The following CSMD1 variants were observed in gnomAD, a reference collection of about 807,000 sequenced individuals.
CSMD1 encodes the protein CUB and sushi domain-containing protein 1.
In CSMD1, 213 loss-of-function variants were observed where a neutral mutation model predicts 417.5. That is an observed-to-expected ratio of 0.51 (90% confidence interval 0.46 to 0.57). CSMD1 has a LOEUF of 0.57. CSMD1 is among the 20% of genes least tolerant of loss of function. The pLI, the probability that CSMD1 is intolerant of heterozygous loss-of-function variation, is 0.00. For missense variants in CSMD1, 6,923 were observed against 4,529.7 expected (o/e 1.53, Z -15.17); for synonymous variants, 2,862 against 1,736.8 (o/e 1.65, Z -16.11).
chr8:4,133,344 G>A (rs1363762007), intron 3 of CSMD1, among the ~76,000 whole-genome samples: 1 of 152,102 alleles, frequency 6.6e-6, no homozygotes, highest in African/African-American at 2.4e-5. Flanking sequence ...TTCTCAGCAT[G>A]GTAAGCACTT....
intron 18 of CSMD1, among the ~76,000 whole-genome samples, chr8:3,375,883 C>T (rs991266328): frequency 1.3e-5 from 2 of 152,176 alleles, no homozygotes; most frequent in Admixed American, 1.3e-4. Context: ...CTTTGCACCT[C>T]AGTTTATAAC....
intron 5 of CSMD1, among the ~76,000 whole-genome samples, chr8:3,815,863 G>T (rs2954204): frequency 2.0e-5 from 3 of 151,960 alleles, no homozygotes; most frequent in African/African-American, 7.3e-5. Flanking sequence ...ACTAGAGCCA[G>T]TGATGCTCCA....
rs539171211 is a variant in CSMD1, at chr8:3,766,349, C to G, written c.819-12307G>C. On this transcript the variant is annotated intron_variant, in intron 5 of 69. Transcript: ENST00000635120. ...AAAATCTTGGTTGCAACAAGCTAAT[C>G]TGGATCCAAGTCAGTGACCTGGAAA... Among the ~76,000 whole-genome samples the G allele has an allele frequency of 2.6e-5, 4 of 152,304 alleles. No individual in the cohort carries two copies. In the South Asian group the frequency reaches 6.2e-4, roughly 24 times the overall value.
At chr8:3,483,562 C>T (rs1052797027) in intron 11 of CSMD1, among the ~76,000 whole-genome samples, 10 of 152,004 alleles carry the variant, frequency 6.6e-5, no homozygotes, top group Admixed American at 5.2e-4. Context: ...TAACAATTAA[C>T]GTCAAGATTT....
At chr8:4,324,676 A>T (rs1799454728) in intron 3 of CSMD1, among the ~76,000 whole-genome samples, 2 of 152,216 alleles carry the variant, frequency 1.3e-5, no homozygotes, top group South Asian at 4.1e-4. Flanking sequence ...AGCTCAGAGG[A>T]TATAAGGGCA....
chr8:4,463,146 C>G (rs966550802), intron 2 of CSMD1, among the ~76,000 whole-genome samples: 1 of 152,056 alleles, frequency 6.6e-6, no homozygotes, highest in African/African-American at 2.4e-5. Context: ...AGACGCTGCC[C>G]CAAAGAAGAT....
chr8:4,546,559 C>A (rs759027202), intron 2 of CSMD1, among the ~76,000 whole-genome samples: 5 of 152,150 alleles, frequency 3.3e-5, no homozygotes, highest in African/African-American at 4.8e-5. Context: ...CCTAGTACAT[C>A]AGCACTTCTG....
chr8:3,512,930 T>C (rs2117405746), intron 10 of CSMD1, among the ~76,000 whole-genome samples: 1 of 152,186 alleles, frequency 6.6e-6, no homozygotes, highest in East Asian at 1.9e-4. Flanking sequence ...GTGGGCCCGT[T>C]GTATAACCAT....
chr8:3,253,530 A>G (rs1424347722), intron 26 of CSMD1, among the ~76,000 whole-genome samples: 1 of 152,140 alleles, frequency 6.6e-6, no homozygotes, highest in Admixed American at 6.6e-5. Flanking sequence ...AGAGTTCTGT[A>G]GATGTCTATT....
chr8:4,153,105 C>T (rs933484812), intron 3 of CSMD1, among the ~76,000 whole-genome samples: 13 of 152,054 alleles, frequency 8.5e-5, no homozygotes, highest in African/African-American at 3.1e-4. Flanking sequence ...ATTAATGTAG[C>T]CGTAAAGGAA....
At chr8:3,845,799 A>T (rs555644604) in intron 5 of CSMD1, among the ~76,000 whole-genome samples, 1 of 152,024 alleles carries the variant, frequency 6.6e-6, no homozygotes, top group Non-Finnish European at 1.5e-5. Context: ...TTATTTCTTT[A>T]TATTTTTATT....
chr8:3,470,389 G>A lies in CSMD1; in HGVS notation c.1449-1565C>T, dbSNP rs1372104879. ...ATTGTGGATACACATGTGGTAGGTA[G>A]TACAAAATAATATAAAGAGATTACA... On this transcript the variant is annotated intron_variant, in intron 11 of 69. Coordinates refer to ENST00000635120, the MANE Select transcript of CSMD1 (RefSeq NM_033225.6). 3.3e-5 allele frequency among the ~76,000 whole-genome samples: 5 copies of A among 152,098 alleles called. 1 individual carries two copies. Among genetic ancestry groups the A allele is most frequent in the African/African-American group, 1.2e-4 (5 of 41,398 alleles).
intron 1 of CSMD1, among the ~76,000 whole-genome samples, chr8:4,808,548 T>C (rs1563453013): frequency 6.6e-6 from 1 of 152,184 alleles, no homozygotes; most frequent in Admixed American, 6.5e-5. Context: ...CTTTCAGTGA[T>C]ACAACTTAAT....
chr8:3,634,126 T>A (rs1381125139), intron 7 of CSMD1, among the ~76,000 whole-genome samples: 2 of 152,240 alleles, frequency 1.3e-5, no homozygotes, highest in African/African-American at 4.8e-5. Context: ...CTTGACCTGA[T>A]GCTGGGAAGT....
rs111204994 is a variant in CSMD1 at position 3,411,994 on chromosome 8, G to A, written c.1562-2389C>T. ...CGTATATATACACGTATATATACGT[G>A]TATATACACGTATATATATACATAT... is the stretch of plus-strand genomic sequence containing the variant. On this transcript the variant is annotated intron_variant, in intron 12 of 69. Coordinates refer to ENST00000635120, the MANE Select transcript of CSMD1 (RefSeq NM_033225.6). Among the ~76,000 whole-genome samples the A allele has an allele frequency of 8.4e-4, 36 of 43,052 alleles. 10 individuals carry two copies. Among genetic ancestry groups the A allele is most frequent in the African/African-American group, 1.8e-3 (18 of 10,040 alleles). 28.2% of individuals were successfully genotyped at this position (43,052 alleles called of 152,430 possible).
At chr8:3,318,242 C>G (rs999866725) in intron 23 of CSMD1, among the ~76,000 whole-genome samples, 14 of 152,034 alleles carry the variant, frequency 9.2e-5, no homozygotes, top group Admixed American at 2.6e-4. Flanking sequence ...TAATGTTTTG[C>G]TTTTGTTCCA....
Position 3,983,153 on chromosome 8 carries a change from C to G in CSMD1, c.818+14750G>C, listed in dbSNP as rs189373511. ...TTTCTTTCTTTTTTTTTTTTTGAGA[C>G]GGACTCTCGCTCTGTCACCCAGGCT... On this transcript the variant is annotated intron_variant, in intron 5 of 69. Transcript: ENST00000635120. 2.3e-3 allele frequency among the ~76,000 whole-genome samples: 183 copies of G among 79,294 alleles called. 1 individual carries two copies. Among genetic ancestry groups the G allele is most frequent in the Admixed American group, 0.016 (145 of 9,080 alleles). 52.0% of individuals were successfully genotyped at this position (79,294 alleles called of 152,430 possible).
chr8:4,147,603 C>A (rs1230797752), intron 3 of CSMD1, among the ~76,000 whole-genome samples: 1 of 152,114 alleles, frequency 6.6e-6, no homozygotes, highest in Non-Finnish European at 1.5e-5. Flanking sequence ...AATATCGGTT[C>A]CCTAATGCAG....
chr8:4,036,710 G>T (rs1214994920), intron 3 of CSMD1, among the ~76,000 whole-genome samples: 1 of 152,182 alleles, frequency 6.6e-6, no homozygotes, highest in African/African-American at 2.4e-5. Context: ...TGACGTAAAG[G>T]ATCCTTTTGC....
Sources: gnomAD v4.1 joint callset for allele counts (sites outside exome capture counted in the v4.1 genomes callset) on GRCh38, gnomAD v4.1.1 for gene constraint, MANE v1.5 for transcripts, NCBI Gene and HGNC (gene_info 2026-07-23, HGNC 2026-07-21) for gene names.